Variants in GRM7 observed in about 807,000 individuals in gnomAD.
The protein encoded by GRM7 is metabotropic glutamate receptor 7.
In GRM7, 35 loss-of-function variants were observed where a neutral mutation model predicts 84.5. The ratio of observed to expected loss-of-function variants is 0.41; its 90% CI spans 0.32 to 0.55. GRM7 has a LOEUF of 0.55. Ranked by LOEUF, GRM7 falls within the 20% of genes least tolerant of loss-of-function variation. The pLI is 0.19. For synonymous variants in GRM7, 487 were observed against 455.1 expected (o/e 1.07, Z -0.89); for missense variants, 1,003 against 1,194.6 (o/e 0.84, Z 2.36).
chr3:7,654,995 T>C (rs1699115552), intron 8 of GRM7, among the ~76,000 whole-genome samples: 1 of 152,184 alleles, frequency 6.6e-6, no homozygotes, highest in Non-Finnish European at 1.5e-5. Context: ...ATGAGGACTC[T>C]CTTAACGGTG....
chr3:7,327,274 TC>T (rs1389452775), intron 4 of GRM7, among the ~76,000 whole-genome samples: 12 of 150,862 alleles, frequency 8.0e-5, no homozygotes, highest in Middle Eastern at 3.4e-3. Context: ...TTCATGAATT[TC>T]TTTATTGCCA....
chr3:6,873,968 G>T (rs1042542658), intron 1 of GRM7, among the ~76,000 whole-genome samples: 1 of 152,226 alleles, frequency 6.6e-6, no homozygotes, highest in Non-Finnish European at 1.5e-5. Context: ...TCAGGCAATG[G>T]GCAAAATGCT....
At chr3:7,254,241 T>A (rs1698117213) in intron 2 of GRM7, among the ~76,000 whole-genome samples, 1 of 152,178 alleles carries the variant, frequency 6.6e-6, no homozygotes, top group Non-Finnish European at 1.5e-5. Context: ...TCTTGCCACC[T>A]TGAAAGTATG....
Position 7,579,062 on chromosome 3 carries a change from T to C in GRM7, c.2156T>C (p.Ile719Thr). The C allele has an allele frequency of 6.2e-7, 1 of 1,614,150 alleles. No homozygotes were observed. The highest frequency in any genetic ancestry group is 8.5e-7 in the Non-Finnish European group (1 of 1,180,022). The change falls in exon 8 of 10, where the codon ATT (isoleucine) becomes ACT (threonine). Residue 719 changes from isoleucine to threonine, a missense_variant. Coordinates refer to ENST00000357716, the MANE Select transcript of GRM7 (RefSeq NM_000844.4). ...TCAGTTCAGCTTCTAGGGGTGTTCA[T>C]TTGGTTTGGTGTTGATCCACCCAAC... is the stretch of plus-strand genomic sequence containing the variant. The part of the protein sequence containing the change: ...LISVQLLGVF[I>T]WFGVDPPNII...
intron 1 of GRM7, among the ~76,000 whole-genome samples, chr3:7,056,480 G>A (rs1036837821): frequency 6.6e-6 from 1 of 151,954 alleles, no homozygotes; most frequent in African/African-American, 2.4e-5. Context: ...TGAGTTACCT[G>A]TCATAAGTGA....
chr3:7,310,500 T>G (rs751463254), intron 4 of GRM7, among the ~76,000 whole-genome samples: 25 of 152,202 alleles, frequency 1.6e-4, no homozygotes, highest in Non-Finnish European at 1.5e-5. Flanking sequence ...TAGCTTCTCT[T>G]GATTACCTGC....
At chr3:7,457,396 C>G (rs1014434921) in intron 6 of GRM7, among the ~76,000 whole-genome samples, 1 of 152,076 alleles carries the variant, frequency 6.6e-6, no homozygotes, top group African/African-American at 2.4e-5. Context: ...AGCAAAGTCC[C>G]AAGCCTAAAT....
chr3:7,366,363 C>T (rs981724924), intron 4 of GRM7, among the ~76,000 whole-genome samples: 1 of 151,858 alleles, frequency 6.6e-6, no homozygotes, highest in Admixed American at 6.6e-5. Flanking sequence ...AATTTTTTGT[C>T]ATCGACACTT....
In GRM7 at chr3:6,915,767, A is replaced by G. The variant is rs957060997; in HGVS notation, c.519+53860A>G. ...GACAACAGAATTCAGTATCACAACT[A>G]ATGGGCTTGATACTCTATTTTACCT... On this transcript the variant is annotated intron_variant, in intron 1 of 9. Coordinates refer to ENST00000357716, the MANE Select transcript of GRM7 (RefSeq NM_000844.4). Among the ~76,000 whole-genome samples the G allele has an allele frequency of 3.3e-5, 5 of 152,230 alleles. No individual in the cohort carries two copies. The East Asian group carries it at 9.6e-4, about 29-fold the overall frequency.
At chr3:7,154,075 A>G (rs1694369423) in intron 2 of GRM7, among the ~76,000 whole-genome samples, 1 of 152,216 alleles carries the variant, frequency 6.6e-6, no homozygotes, top group African/African-American at 2.4e-5. Flanking sequence ...TGCAAGAGAA[A>G]TACTATTGCT....
intron 8 of GRM7, among the ~76,000 whole-genome samples, chr3:7,661,362 C>T (rs1328901189): frequency 6.6e-6 from 1 of 152,106 alleles, no homozygotes; most frequent in African/African-American, 2.4e-5. Flanking sequence ...CATCACCAGT[C>T]GTTAGAAAAA....
intron 9 of GRM7, among the ~76,000 whole-genome samples, chr3:7,710,433 A>G (rs951114348): frequency 1.3e-5 from 2 of 152,134 alleles, no homozygotes; most frequent in Non-Finnish European, 2.9e-5. Flanking sequence ...CATTTTCATT[A>G]TAGGTAATTT....
At chr3:7,351,651 A>G (rs1008553712) in intron 4 of GRM7, among the ~76,000 whole-genome samples, 4 of 152,112 alleles carry the variant, frequency 2.6e-5, no homozygotes, top group Admixed American at 2.6e-4. Flanking sequence ...CAAAGCAGGC[A>G]GAAGAAGTGG....
At chr3:7,628,194 C>A (rs778613123) in intron 8 of GRM7, among the ~76,000 whole-genome samples, 2 of 152,136 alleles carry the variant, frequency 1.3e-5, no homozygotes, top group South Asian at 2.1e-4. Flanking sequence ...ATGGGTAGCA[C>A]ACACTTTAAT....
At chr3:7,325,055 G>A (rs930708626) in intron 4 of GRM7, among the ~76,000 whole-genome samples, 1 of 152,156 alleles carries the variant, frequency 6.6e-6, no homozygotes, top group South Asian at 2.1e-4. Context: ...CAGGATGGGA[G>A]AAGAGACAGA....
intron 4 of GRM7, among the ~76,000 whole-genome samples, chr3:7,347,475 T>A (rs1474050511): frequency 6.6e-6 from 1 of 152,152 alleles, no homozygotes; most frequent in Admixed American, 6.6e-5. Flanking sequence ...AAACTCTATT[T>A]TGAGTGCTGC....
chr3:7,686,255 T>G lies in GRM7; in HGVS notation c.2698+5960T>G. 8 of 607,880 alleles carry G rather than the reference T, an allele frequency of 1.3e-5. 1 individual carries two copies. In the South Asian group the frequency reaches 1.6e-4, roughly 12 times the overall value. 37.7% of individuals were successfully genotyped at this position (607,880 alleles called of 1,614,324 possible). A position where few individuals can be genotyped will look rare whatever the true frequency, so the allele number is the denominator to read the frequency against. On this transcript the variant is annotated intron_variant, in intron 9 of 9. Transcript: ENST00000357716. ...AAAAGAGTGGGCATGATGTGTATGG[T>G]CTCTATCGCAGCCTTTTCCCAAAAG...
At chr3:7,268,674 AC>A (rs1198797240) in intron 2 of GRM7, among the ~76,000 whole-genome samples, 15 of 152,182 alleles carry the variant, frequency 9.9e-5, no homozygotes, top group African/African-American at 3.6e-4. Context: ...GAAACAGTGA[AC>A]AAAAAGAGGA....
At chr3:7,228,180 T>C (rs552646392) in intron 2 of GRM7, among the ~76,000 whole-genome samples, 6 of 152,258 alleles carry the variant, frequency 3.9e-5, no homozygotes, top group East Asian at 1.9e-4. Context: ...TTGAGGCACA[T>C]GAACTGAGAA....
Sources: allele counts gnomAD v4.1 joint callset (sites outside exome capture counted in the v4.1 genomes callset), GRCh38; gene constraint gnomAD v4.1.1; transcripts MANE v1.5; gene names NCBI Gene and HGNC (gene_info 2026-07-23, HGNC 2026-07-21).